The following TMEM135 variants were observed in gnomAD, a reference collection of about 807,000 sequenced individuals.
TMEM135 encodes the protein peroxisomal membrane protein 52.
In TMEM135, 30 loss-of-function variants were observed where a neutral mutation model predicts 60.3. The ratio of observed to expected loss-of-function variants is 0.50; its 90% CI spans 0.37 to 0.68. The LOEUF is 0.68. TMEM135 is among the 30% of genes least tolerant of loss of function. The pLI is 0.00. For synonymous variants in TMEM135, 190 were observed against 186.7 expected (o/e 1.02, Z -0.14); for missense variants, 468 against 548.8 (o/e 0.85, Z 1.47).
chr11:87,065,177 A>G (rs537049370), intron 1 of TMEM135, among the ~76,000 whole-genome samples: 3 of 152,318 alleles, frequency 2.0e-5, no homozygotes, highest in Non-Finnish European at 4.4e-5. Context: ...TTGTATAAGC[A>G]TATGTTTTTA....
intron 6 of TMEM135, among the ~76,000 whole-genome samples, chr11:87,292,384 G>C (rs761674918): frequency 6.6e-6 from 1 of 152,138 alleles, no homozygotes; most frequent in African/African-American, 2.4e-5. Flanking sequence ...TAGAACCTAA[G>C]GCAGTGCTTA....
chr11:87,285,294 TTTAA>T (rs2135424014), intron 6 of TMEM135, among the ~76,000 whole-genome samples: 1 of 152,276 alleles, frequency 6.6e-6, no homozygotes, highest in East Asian at 1.9e-4. Flanking sequence ...ATAAGAAAAA[TTTAA>T]TTAAAACTAT....
chr11:87,066,081 T>C (rs558110400), intron 1 of TMEM135, among the ~76,000 whole-genome samples: 23 of 152,298 alleles, frequency 1.5e-4, no homozygotes, highest in Non-Finnish European at 2.1e-4. Context: ...AACAGAAGAA[T>C]TGAGAAGATG....
intron 6 of TMEM135, among the ~76,000 whole-genome samples, chr11:87,249,816 A>G (rs1941374195): frequency 6.6e-6 from 1 of 152,084 alleles, no homozygotes; most frequent in African/African-American, 2.4e-5. Flanking sequence ...TCAGGGTACT[A>G]TTGTCCTCAT....
chr11:87,103,677 G>C (rs973205767), intron 4 of TMEM135, among the ~76,000 whole-genome samples: 5 of 149,198 alleles, frequency 3.4e-5, no homozygotes, highest in African/African-American at 9.8e-5. Context: ...CTTTTTTTTT[G>C]AGACAGGATC....
At chr11:87,227,694 A>G (rs560220614) in intron 5 of TMEM135, among the ~76,000 whole-genome samples, 149 of 152,282 alleles carry the variant, frequency 9.8e-4, no homozygotes, top group African/African-American at 3.0e-3. Flanking sequence ...AAATATTATG[A>G]TAATGATATG....
chr11:87,284,460 G>A (rs1030063375), intron 6 of TMEM135, among the ~76,000 whole-genome samples: 1 of 152,142 alleles, frequency 6.6e-6, no homozygotes, highest in African/African-American at 2.4e-5. Context: ...AGTTGTTGCT[G>A]TAAGTTTTAG....
chr11:87,078,802 A>G (rs1431095216), intron 3 of TMEM135, among the ~76,000 whole-genome samples: 2 of 129,686 alleles, frequency 1.5e-5, no homozygotes, highest in African/African-American at 3.0e-5. Context: ...CTTTTTTTTT[A>G]GTAGAGATAG....
intron 5 of TMEM135, among the ~76,000 whole-genome samples, chr11:87,197,414 G>A (rs1036166968): frequency 6.6e-6 from 1 of 152,032 alleles, no homozygotes; most frequent in African/African-American, 2.4e-5. Context: ...CCATAAAACA[G>A]GAAGCATCTT....
At chr11:87,278,400 A>G (rs950631095) in intron 6 of TMEM135, among the ~76,000 whole-genome samples, 2 of 147,646 alleles carry the variant, frequency 1.4e-5, no homozygotes, top group Non-Finnish European at 3.0e-5. Context: ...TTTTTGAGAC[A>G]GAGTCTCACT....
chr11:87,083,245 ACT>A (rs944014759), intron 3 of TMEM135, among the ~76,000 whole-genome samples: 21 of 152,212 alleles, frequency 1.4e-4, no homozygotes, highest in African/African-American at 4.6e-4. Flanking sequence ...GCCACAAAGG[ACT>A]CTGATCATAG....
chr11:87,157,700 A>T, intron 5 of TMEM135: 1 of 310,558 alleles, frequency 3.2e-6, no homozygotes, highest in Non-Finnish European at 6.0e-6. Context: ...GAAAAAAAGA[A>T]TTCCTTAGCT....
chr11:87,286,539 C>T (rs150036792), intron 6 of TMEM135, among the ~76,000 whole-genome samples: 250 of 152,298 alleles, frequency 1.6e-3, no homozygotes, highest in African/African-American at 4.5e-3. Context: ...AGCCCTTAGG[C>T]GGTCGATGGG....
At position 87,327,505 on chromosome 11, in the gene TMEM135, G is replaced by A; in HGVS notation, c.*6172G>A. 2.2e-6 allele frequency: 1 copy of A among 453,888 alleles called. No individual in the cohort carries two copies. Among genetic ancestry groups the A allele is most frequent in the South Asian group, 1.6e-5 (1 of 64,430 alleles). The allele number at this position is 453,888 out of a possible 1,614,324, so 28.1% of individuals were successfully genotyped here. ...TCAGTCAGGGTTTCCCAGAGAGGCA[G>A]AACAATAGGGATAGAGAGATACATA... On this transcript the variant is annotated 3_prime_UTR_variant, in exon 15 of 15. Transcript: ENST00000305494.
intron 1 of TMEM135, among the ~76,000 whole-genome samples, chr11:87,065,533 G>A (rs1856632396): frequency 6.6e-6 from 1 of 152,096 alleles, no homozygotes; most frequent in Non-Finnish European, 1.5e-5. Context: ...TTATTGTTGA[G>A]TTTTGGGACT....
At chr11:87,197,319 G>A (rs757276484) in intron 5 of TMEM135, among the ~76,000 whole-genome samples, 1 of 151,896 alleles carries the variant, frequency 6.6e-6, no homozygotes, top group Non-Finnish European at 1.5e-5. Context: ...ATTCTAATTC[G>A]GCATAAAGGG....
At chr11:87,071,432 A>C in intron 2 of TMEM135, 91 bp from the exon 3 acceptor site, 1 of 923,708 alleles carries the variant, frequency 1.1e-6, no homozygotes. Context: ...ACATTTAAAT[A>C]GAGTATGGAT....
intron 1 of TMEM135, among the ~76,000 whole-genome samples, chr11:87,064,808 C>G (rs1009370376): frequency 4.6e-5 from 7 of 152,172 alleles, no homozygotes; most frequent in African/African-American, 1.7e-4. Flanking sequence ...TTGCTTGAAT[C>G]TGGGAGGTGG....
intron 6 of TMEM135, among the ~76,000 whole-genome samples, chr11:87,260,539 T>G (rs1254949299): frequency 6.6e-6 from 1 of 152,132 alleles, no homozygotes; most frequent in African/African-American, 2.4e-5. Context: ...CTATTTTTTT[T>G]TGGATTTGTA....
Sources: allele counts gnomAD v4.1 joint callset (sites outside exome capture counted in the v4.1 genomes callset), GRCh38; gene constraint gnomAD v4.1.1; transcripts MANE v1.5; gene names NCBI Gene and HGNC (gene_info 2026-07-23, HGNC 2026-07-21).